SRF: variants seen among roughly 807,000 people sequenced by gnomAD.
SRF encodes the protein c-fos serum response element-binding transcription factor.
In SRF, 7 loss-of-function variants were observed where a neutral mutation model predicts 37.1. The ratio of observed to expected loss-of-function variants is 0.19; its 90% CI spans 0.11 to 0.35. SRF has a LOEUF of 0.35. Among genes scored for constraint, SRF ranks in the 10% least tolerant of loss-of-function variants. SRF has a pLI of 1.00. For synonymous variants in SRF, 285 were observed against 310.1 expected (o/e 0.92, Z 0.85); for missense variants, 395 against 694.4 (o/e 0.57, Z 4.85).
intron 2 of SRF, 109 bp from the exon 3 acceptor site, chr6:43,175,597 A>T (rs1227501989): frequency 2.1e-6 from 3 of 1,458,636 alleles, no homozygotes; most frequent in Admixed American, 1.8e-5. Flanking sequence ...TGGCGTTGGG[A>T]TTTGAACCCA....
Position 43,172,791 on chromosome 6 carries a change from T to C in SRF, c.513+622T>C, listed in dbSNP as rs1438180723. Among the ~76,000 whole-genome samples, 1 of 152,136 alleles carries C rather than the reference T, an allele frequency of 6.6e-6. No individual in the cohort carries two copies. Among genetic ancestry groups the C allele is most frequent in the African/African-American group, 2.4e-5 (1 of 41,428 alleles). Reference sequence around the variant, plus strand: ...TCCATGGCATCCACTGGGAACCACATGCTCCTGGCAGGACCCGCTGCAGAA... The same window carrying C: ...TCCATGGCATCCACTGGGAACCACACGCTCCTGGCAGGACCCGCTGCAGAA... On this transcript the variant is annotated intron_variant, in intron 1 of 6. Transcript: ENST00000265354. This position sits in a 1 kb window ranked among gnomAD's most constrained non-coding sequence, Gnocchi z 5.7.
In SRF at chr6:43,175,588, G is replaced by T. The variant is rs1016892223; in HGVS notation, c.781-118G>T. The T allele has an allele frequency of 8.3e-5, 109 of 1,314,822 alleles. No homozygotes were observed. The Admixed American group carries it at 9.5e-4, about 11-fold the overall frequency. 81.4% of individuals were successfully genotyped at this position (1,314,822 alleles called of 1,614,324 possible). A position where few individuals can be genotyped will look rare whatever the true frequency, so the allele number is the denominator to read the frequency against. ...AAGAGTCAGGCATCAGGTAAATGGT[G>T]GCGTTGGGATTTGAACCCAAGCTCA... On this transcript the variant is annotated intron_variant, in intron 2 of 6. Transcript: ENST00000265354.
chr6:43,172,200 G>T lies in SRF; in HGVS notation c.513+31G>T. ...AAGCCGGGGGGCTGGCCGGCCCCGGGGCCCGGTTGGGGTGGGGATGTGCAA... is the reference window on the plus strand; with the variant it reads ...AAGCCGGGGGGCTGGCCGGCCCCGGTGCCCGGTTGGGGTGGGGATGTGCAA... On this transcript the variant is annotated intron_variant, in intron 1 of 6. Coordinates refer to ENST00000265354, the MANE Select transcript of SRF (RefSeq NM_003131.4). This position sits in a 1 kb window ranked among gnomAD's most constrained non-coding sequence, Gnocchi z 5.7. The T allele has an allele frequency of 6.3e-7, 1 of 1,594,442 alleles. No individual in the cohort carries two copies. Among genetic ancestry groups the T allele is most frequent in the South Asian group, 1.1e-5 (1 of 89,982 alleles).
chr6:43,176,811 G>A lies in SRF; in HGVS notation c.1162+144G>A, dbSNP rs985895530. The A allele has an allele frequency of 1.7e-5, 22 of 1,276,500 alleles. No homozygotes were observed. Among genetic ancestry groups the A allele is most frequent in the Non-Finnish European group, 2.3e-5 (22 of 936,748 alleles). The allele number at this position is 1,276,500 out of a possible 1,614,324, so 79.1% of individuals were successfully genotyped here. A position where few individuals can be genotyped will look rare whatever the true frequency, so the allele number is the denominator to read the frequency against. On this transcript the variant is annotated intron_variant, in intron 4 of 6. Transcript: ENST00000265354. This position sits in a 1 kb window ranked among gnomAD's most constrained non-coding sequence, Gnocchi z 4.0. ...AGGCTTTGGGCCTAATAATTATGGG[G>A]AAGTCAGGTGAGGATGACTGGGTTT... is the stretch of plus-strand genomic sequence containing the variant.
Position 43,171,789 on chromosome 6 carries a change from C to G in SRF, c.133C>G (p.Pro45Ala). Reference protein sequence around the residue: ...GTRGANGGRVPGNGAGLGPGR... With the variant: ...GTRGANGGRVAGNGAGLGPGR... The stretch of plus-strand genomic sequence containing the variant: ...ACGCGGGGCTAACGGGGGCCGGGTC[C>G]CCGGGAATGGCGCGGGGCTCGGGCC... The change falls in exon 1 of 7, where the codon CCC (proline) becomes GCC (alanine). Residue 45 changes from proline (P) to alanine (A), a missense_variant. By Grantham distance (27) the Pro-to-Ala change is conservative. Transcript: ENST00000265354. This position sits in a 1 kb window ranked among gnomAD's most constrained non-coding sequence, Gnocchi z 6.5. 8.2e-7 allele frequency: 1 copy of G among 1,217,854 alleles called. No homozygotes were observed. The highest frequency in any genetic ancestry group is 1.0e-6 in the Non-Finnish European group (1 of 979,502). 75.4% of individuals were successfully genotyped at this position (1,217,854 alleles called of 1,614,324 possible). A position where few individuals can be genotyped will look rare whatever the true frequency, so the allele number is the denominator to read the frequency against.
rs1486320580 is a variant in SRF at position 43,171,677 on chromosome 6, G to A, written c.21G>A (p.Gly7=). Residue 7 remains glycine (G), a synonymous_variant, in exon 1 of 7, where the codon GGG becomes GGA. Transcript: ENST00000265354. This position sits in a 1 kb window ranked among gnomAD's most constrained non-coding sequence, Gnocchi z 6.5. The part of the protein sequence containing the change: MLPTQA[G]AAAALGRGSA... The stretch of plus-strand genomic sequence containing the variant: ...GCGCCATGTTACCGACCCAAGCTGG[G>A]GCCGCGGCGGCTCTGGGCCGGGGCT... 5.6e-5 allele frequency: 68 copies of A among 1,213,880 alleles called. No homozygotes were observed. Among genetic ancestry groups the A allele is most frequent in the Non-Finnish European group, 6.7e-5 (65 of 974,676 alleles). 75.2% of individuals were successfully genotyped at this position (1,213,880 alleles called of 1,614,324 possible). A position where few individuals can be genotyped will look rare whatever the true frequency, so the allele number is the denominator to read the frequency against.
rs1408829543 is a variant in SRF at position 43,176,567 on chromosome 6, G to A, written c.1062G>A (p.Gln354=). ...TTGCAGGTGGGGCAGTGGCCCAGCAGGTCCCAGTGCAGGCCATTCAAGTGC... is the reference window on the plus strand; with the variant it reads ...TTGCAGGTGGGGCAGTGGCCCAGCAAGTCCCAGTGCAGGCCATTCAAGTGC... ...TLMPGGAVAQ[Q]VPVQAIQVHQ... is the part of the protein sequence containing the mutation. Residue 354 remains glutamine, a synonymous_variant, in exon 4 of 7, where the codon CAG becomes CAA. Coordinates refer to ENST00000265354, the MANE Select transcript of SRF (RefSeq NM_003131.4). The surrounding 1 kb of genome is among the most constrained non-coding windows in gnomAD (Gnocchi z 4.0). 4 of 1,614,024 alleles carry A rather than the reference G, an allele frequency of 2.5e-6. No homozygotes were observed.
Position 43,172,005 on chromosome 6 carries a change from T to C in SRF, c.349T>C (p.Ser117Pro). 1.3e-6 allele frequency: 2 copies of C among 1,576,854 alleles called. No homozygotes were observed. The highest frequency in any genetic ancestry group is 1.7e-6 in the Non-Finnish European group (2 of 1,163,150). Reference protein sequence around the residue: ...IGMVVGGPEASAAATGGYGPV... With the variant: ...IGMVVGGPEAPAAATGGYGPV... ...TATGGTGGTCGGTGGGCCCGAGGCG[T>C]CGGCAGCGGCCACCGGGGGCTACGG... The change falls in exon 1 of 7, where the codon TCG becomes CCG. Residue 117 changes from serine (S) to proline (P), a missense_variant. Coordinates refer to ENST00000265354, the MANE Select transcript of SRF (RefSeq NM_003131.4). This position sits in a 1 kb window ranked among gnomAD's most constrained non-coding sequence, Gnocchi z 5.7.
chr6:43,178,619 C>G lies in SRF; in HGVS notation c.1354+134C>G, dbSNP rs1772249275. The stretch of plus-strand genomic sequence containing the variant: ...CAAATACAACACAGACTTGGATGCT[C>G]ACACACACATTTGGACACCCCACTT... On this transcript the variant is annotated intron_variant, in intron 5 of 6. Transcript: ENST00000265354. The surrounding 1 kb of genome is among the most constrained non-coding windows in gnomAD (Gnocchi z 4.3). The G allele has an allele frequency of 5.3e-6, 7 of 1,325,972 alleles. No individual in the cohort carries two copies. Among genetic ancestry groups the G allele is most frequent in the Non-Finnish European group, 7.4e-6 (7 of 948,920 alleles). The allele number at this position is 1,325,972 out of a possible 1,614,324, so 82.1% of individuals were successfully genotyped here.
chr6:43,173,657 AAGG>A lies in SRF; in HGVS notation c.514-184_514-182del, dbSNP rs1561999567. Among the ~76,000 whole-genome samples the A allele has an allele frequency of 6.6e-6, 1 of 152,108 alleles. No individual in the cohort carries two copies. The highest frequency in any genetic ancestry group is 2.4e-5 in the African/African-American group (1 of 41,412). ...TTCAGGTCAATGGGGCTGCTCCTCA[AAGG>A]AGGAGCATGGGTAGTTTTGCTGCTT... On this transcript the variant is annotated intron_variant, in intron 1 of 6. Transcript: ENST00000265354. The surrounding 1 kb of genome is among the most constrained non-coding windows in gnomAD (Gnocchi z 4.2).
chr6:43,179,356 C>T lies in SRF; in HGVS notation c.*166C>T. 2 of 677,532 alleles carry T rather than the reference C, an allele frequency of 3.0e-6. No homozygotes were observed. The highest frequency in any genetic ancestry group is 5.1e-6 in the Non-Finnish European group (2 of 392,614). The allele number at this position is 677,532 out of a possible 1,614,324, so 42.0% of individuals were successfully genotyped here. A position where few individuals can be genotyped will look rare whatever the true frequency, so the allele number is the denominator to read the frequency against. ...CTCTCACTCCAGCCAAAGAAATGGG[C>T]CTGCCTGCCTCCACCCGTCCTCCCT... is the stretch of plus-strand genomic sequence containing the variant. On this transcript the variant is annotated 3_prime_UTR_variant, in exon 7 of 7. Coordinates refer to ENST00000265354, the MANE Select transcript of SRF (RefSeq NM_003131.4). This position sits in a 1 kb window ranked among gnomAD's most constrained non-coding sequence, Gnocchi z 5.3.
Position 43,179,113 on chromosome 6 carries a change from C to G in SRF, c.1450C>G (p.Gln484Glu), listed in dbSNP as rs1428039528. ...QLHQMAVIGQ[Q>E]AGSSSNLTEL... The stretch of plus-strand genomic sequence containing the variant: ...CCTCCAGATGGCTGTGATAGGGCAG[C>G]AGGCCGGGAGCAGCAGCAACCTCAC... Residue 484 changes from glutamine to glutamate, a missense_variant, in exon 7 of 7, where the codon CAG (glutamine) becomes GAG (glutamate). This residue lies in a region of SRF where 232 missense variants were observed against 335.6 expected (regional missense o/e 0.69). Transcript: ENST00000265354. The surrounding 1 kb of genome is among the most constrained non-coding windows in gnomAD (Gnocchi z 5.3). 2 of 1,614,042 alleles carry G rather than the reference C, an allele frequency of 1.2e-6. No individual in the cohort carries two copies. Among genetic ancestry groups the G allele is most frequent in the Non-Finnish European group, 1.7e-6 (2 of 1,179,988 alleles).
Position 43,179,687 on chromosome 6 carries a change from GCTT to G in SRF, c.*502_*504del, listed in dbSNP as rs566813628. Reference sequence around the variant, plus strand: ...CAGGGGGCCAGCTGGGGAGATGGGGGCTTCTTCCTCACACTGCTGTCCTCTCCC... The same window carrying G: ...CAGGGGGCCAGCTGGGGAGATGGGGGCTTCCTCACACTGCTGTCCTCTCCC... On this transcript the variant is annotated 3_prime_UTR_variant, in exon 7 of 7. Coordinates refer to ENST00000265354, the MANE Select transcript of SRF (RefSeq NM_003131.4). The surrounding 1 kb of genome is among the most constrained non-coding windows in gnomAD (Gnocchi z 5.3). 60 of 179,392 alleles carry G rather than the reference GCTT, an allele frequency of 3.3e-4. No homozygotes were observed. Among genetic ancestry groups the G allele is most frequent in the Admixed American group, 1.2e-3 (23 of 18,640 alleles). 11.1% of individuals were successfully genotyped at this position (179,392 alleles called of 1,614,324 possible).
In SRF at chr6:43,174,035, G is replaced by C. The variant is rs1190051643; in HGVS notation, c.702G>C (p.Gln234His). Residue 234 changes from glutamine (Q) to histidine (H), a missense_variant, in exon 2 of 7, where the codon CAG (glutamine) becomes CAC (histidine). Coordinates refer to ENST00000265354, the MANE Select transcript of SRF (RefSeq NM_003131.4). ...SPPRSDPTTD[Q>H]RMSATGFEET... ...CCCGTTCAGACCCCACAACAGACCAGAGAATGAGTGCCACTGGCTTTGAAG... is the reference window on the plus strand; with the variant it reads ...CCCGTTCAGACCCCACAACAGACCACAGAATGAGTGCCACTGGCTTTGAAG... 6.2e-7 allele frequency: 1 copy of C among 1,614,090 alleles called. No individual in the cohort carries two copies. The highest frequency in any genetic ancestry group is 8.5e-7 in the Non-Finnish European group (1 of 1,180,036).
Position 43,179,478 on chromosome 6 carries a change from C to T in SRF, c.*288C>T. 2.1e-6 allele frequency: 1 copy of T among 474,592 alleles called. No homozygotes were observed. Among genetic ancestry groups the T allele is most frequent in the Non-Finnish European group, 3.9e-6 (1 of 256,108 alleles). The allele number at this position is 474,592 out of a possible 1,614,324, so 29.4% of individuals were successfully genotyped here. ...CTCGCCAGCTTGGCTCGATGTTTGC[C>T]ATGAGTATTAGCTTACCCAATGGGA... is the stretch of plus-strand genomic sequence containing the variant. On this transcript the variant is annotated 3_prime_UTR_variant, in exon 7 of 7. Coordinates refer to ENST00000265354, the MANE Select transcript of SRF (RefSeq NM_003131.4). This position sits in a 1 kb window ranked among gnomAD's most constrained non-coding sequence, Gnocchi z 5.3.
chr6:43,177,356 A>G (rs993745516), intron 4 of SRF, among the ~76,000 whole-genome samples: 1 of 150,230 alleles, frequency 6.7e-6, no homozygotes, highest in Non-Finnish European at 1.5e-5. Flanking sequence ...CAGCCTCCCG[A>G]GTAGCTGGGA....
In SRF at chr6:43,179,098, G is replaced by C; in HGVS notation, c.1435G>C (p.Ala479Pro). ...TCATACATCCCCTTCCCTCCAGATG[G>C]CTGTGATAGGGCAGCAGGCCGGGAG... is the stretch of plus-strand genomic sequence containing the variant. ...PVSAVQLHQM[A>P]VIGQQAGSSS... is the part of the protein sequence containing the mutation. Residue 479 changes from alanine to proline, a missense_variant, in exon 7 of 7, where the codon GCT (alanine) becomes CCT (proline). Around this residue, in one of 4 missense-constraint regions of SRF, gnomAD observed 232 missense variants for 335.6 expected, o/e 0.69. Transcript: ENST00000265354. The surrounding 1 kb of genome is among the most constrained non-coding windows in gnomAD (Gnocchi z 5.3). The C allele has an allele frequency of 2.5e-6, 4 of 1,614,068 alleles. No individual in the cohort carries two copies. Among genetic ancestry groups the C allele is most frequent in the Non-Finnish European group, 3.4e-6 (4 of 1,179,928 alleles).
chr6:43,178,388 C>G lies in SRF; in HGVS notation c.1257C>G (p.Pro419=). Residue 419 remains proline, a synonymous_variant, in exon 5 of 7, where the codon CCC becomes CCG. Coordinates refer to ENST00000265354, the MANE Select transcript of SRF (RefSeq NM_003131.4). The surrounding 1 kb of genome is among the most constrained non-coding windows in gnomAD (Gnocchi z 4.3). The part of the protein sequence containing the change: ...YPSPHAVMYA[P]TSGLGDGSLT... Reference sequence around the variant, plus strand: ...GCCCGCATGCGGTGATGTATGCCCCCACCTCGGGCCTGGGTGATGGCAGCC... The same window carrying G: ...GCCCGCATGCGGTGATGTATGCCCCGACCTCGGGCCTGGGTGATGGCAGCC... 6.2e-7 allele frequency: 1 copy of G among 1,614,082 alleles called. No individual in the cohort carries two copies. The highest frequency in any genetic ancestry group is 2.2e-5 in the East Asian group (1 of 44,868).
Position 43,176,423 on chromosome 6 carries a change from C to T in SRF, c.1043-125C>T, listed in dbSNP as rs2150496594. 1.4e-6 allele frequency: 2 copies of T among 1,473,450 alleles called. No homozygotes were observed. Among genetic ancestry groups the T allele is most frequent in the African/African-American group, 1.4e-5 (1 of 71,550 alleles). 91.3% of individuals were successfully genotyped at this position (1,473,450 alleles called of 1,614,324 possible). A position where few individuals can be genotyped will look rare whatever the true frequency, so the allele number is the denominator to read the frequency against. ...GGGCCTGAAGGGCCTCTTTGGCTTCCAGGAAAGATAGTGATGGGAGTTGGA... is the reference window on the plus strand; with the variant it reads ...GGGCCTGAAGGGCCTCTTTGGCTTCTAGGAAAGATAGTGATGGGAGTTGGA... On this transcript the variant is annotated intron_variant, in intron 3 of 6. Transcript: ENST00000265354. This position sits in a 1 kb window ranked among gnomAD's most constrained non-coding sequence, Gnocchi z 4.0.
Sources: gnomAD v4.1 joint callset for allele counts (sites outside exome capture counted in the v4.1 genomes callset) on GRCh38, gnomAD v4.1.1 for gene constraint, gnomAD v4.1.1 regional missense constraint, Gnocchi (gnomAD v3.1) non-coding constraint, MANE v1.5 for transcripts, NCBI Gene and HGNC (gene_info 2026-07-23, HGNC 2026-07-21) for gene names.